CCDC171: variants seen among roughly 807,000 people sequenced by gnomAD.
CCDC171 encodes the protein coiled-coil domain containing 171.
Under a neutral mutation model 168.2 loss-of-function variants are expected in CCDC171, and 177 were observed. The observed-to-expected ratio is 1.05, with a 90% confidence interval of 0.93 to 1.19. The LOEUF (loss-of-function observed/expected upper bound fraction) is 1.19. Ranked by LOEUF, CCDC171 falls within the 50% of genes most tolerant of loss-of-function variation. CCDC171 has a pLI of 0.00. For missense variants in CCDC171, 1,991 were observed against 1,539.0 expected (o/e 1.29, Z -4.91); for synonymous variants, 687 against 540.8 (o/e 1.27, Z -3.75).
intron 21 of CCDC171, among the ~76,000 whole-genome samples, chr9:15,837,937 C>T (rs968717743): frequency 6.6e-6 from 1 of 152,058 alleles, no homozygotes; most frequent in Non-Finnish European, 1.5e-5. Context: ...ACTTAATAAC[C>T]GAAAACATTT....
At chr9:15,569,936 C>T (rs918370250) in intron 2 of CCDC171, among the ~76,000 whole-genome samples, 2 of 150,188 alleles carry the variant, frequency 1.3e-5, no homozygotes, top group East Asian at 1.9e-4. Context: ...TTTAGTTTTT[C>T]GTTTTCTTAG....
chr9:15,645,740 G>A (rs1236533128), intron 7 of CCDC171, among the ~76,000 whole-genome samples: 1 of 152,174 alleles, frequency 6.6e-6, no homozygotes, highest in East Asian at 1.9e-4. Flanking sequence ...AGAAATATGG[G>A]ACTATGTGAA....
At chr9:16,011,555 C>T (rs1416746471) in intron 3 of CCDC171, among the ~76,000 whole-genome samples, 1 of 152,108 alleles carries the variant, frequency 6.6e-6, no homozygotes, top group Non-Finnish European at 1.5e-5. Flanking sequence ...TATGCAGCTT[C>T]TTTAACAATG....
intron 24 of CCDC171, among the ~76,000 whole-genome samples, chr9:15,897,534 T>C (rs1821072401): frequency 6.6e-6 from 1 of 152,060 alleles, no homozygotes; most frequent in African/African-American, 2.4e-5. Flanking sequence ...CATTTGAAGT[T>C]CTTTTATTTG....
chr9:16,011,958 C>T (rs1009562119), intron 3 of CCDC171, among the ~76,000 whole-genome samples: 5 of 152,072 alleles, frequency 3.3e-5, no homozygotes, highest in Non-Finnish European at 2.9e-5. Flanking sequence ...GAGTCTTGTC[C>T]CCAGTGGGCC....
intron 21 of CCDC171, among the ~76,000 whole-genome samples, chr9:15,811,223 A>C (rs1346351679): frequency 6.6e-6 from 1 of 152,208 alleles, no homozygotes; most frequent in Non-Finnish European, 1.5e-5. Context: ...GCTGATATTG[A>C]GCTAATGGAA....
intron 1 of CCDC171, among the ~76,000 whole-genome samples, chr9:16,044,112 C>A (rs546965062): frequency 3.3e-5 from 5 of 152,206 alleles, no homozygotes; most frequent in African/African-American, 1.2e-4. Context: ...GGCTGTCCCC[C>A]TTCTATTCAG....
At chr9:15,935,316 A>G (rs577289693) in intron 25 of CCDC171, among the ~76,000 whole-genome samples, 2 of 152,056 alleles carry the variant, frequency 1.3e-5, no homozygotes, top group South Asian at 2.1e-4. Flanking sequence ...AGCAAACTTT[A>G]CTATTGACTC....
At chr9:15,791,509 G>C (rs1024384911) in intron 21 of CCDC171, among the ~76,000 whole-genome samples, 2 of 152,178 alleles carry the variant, frequency 1.3e-5, no homozygotes, top group Non-Finnish European at 2.9e-5. Flanking sequence ...AGGTGATGTG[G>C]TTTTCTAGAT....
chr9:15,794,352 C>G (rs2058438588), intron 21 of CCDC171, among the ~76,000 whole-genome samples: 1 of 152,038 alleles, frequency 6.6e-6, no homozygotes, highest in Non-Finnish European at 1.5e-5. Flanking sequence ...GCAATCCCAG[C>G]TAGTCGGGAG....
chr9:15,985,872 A>G (rs1196779475), intron 3 of CCDC171, among the ~76,000 whole-genome samples: 1 of 152,244 alleles, frequency 6.6e-6, no homozygotes, highest in Non-Finnish European at 1.5e-5. Flanking sequence ...AGAAGTGGTC[A>G]GACCATTTGA....
chr9:15,677,334 C>G (rs2049655344), intron 9 of CCDC171, among the ~76,000 whole-genome samples: 1 of 152,032 alleles, frequency 6.6e-6, no homozygotes, highest in Admixed American at 6.6e-5. Context: ...TTGGAATATT[C>G]CTAATCTAAA....
intron 24 of CCDC171, among the ~76,000 whole-genome samples, chr9:15,902,433 C>G (rs1417698211): frequency 6.6e-6 from 1 of 152,016 alleles, no homozygotes; most frequent in African/African-American, 2.4e-5. Context: ...ATTTTCTAGG[C>G]AAAATTTAAA....
chr9:15,685,636 A>G (rs909103570), intron 10 of CCDC171, among the ~76,000 whole-genome samples: 1 of 151,942 alleles, frequency 6.6e-6, no homozygotes, highest in Non-Finnish European at 1.5e-5. Context: ...CCCTGTCTCA[A>G]AAAAAAAGAT....
At chr9:15,659,806 G>C (rs2048187067) in intron 8 of CCDC171, among the ~76,000 whole-genome samples, 1 of 151,892 alleles carries the variant, frequency 6.6e-6, no homozygotes, top group Non-Finnish European at 1.5e-5. Context: ...AACTAGTTTA[G>C]ACTAAAAAAG....
chr9:15,584,976 T>A (rs2041439494), intron 4 of CCDC171, among the ~76,000 whole-genome samples: 1 of 152,194 alleles, frequency 6.6e-6, no homozygotes, highest in South Asian at 2.1e-4. Flanking sequence ...GAGAGATGAC[T>A]ATTAATCAGA....
In CCDC171 at chr9:15,591,508, A is replaced by G. The variant is rs763777871; in HGVS notation, c.495A>G (p.Glu165=). ...RDNMIQNCNR[E]YDLLMKEKSR... Reference sequence around the variant, plus strand: ...ATATGATCCAAAATTGCAATCGAGAATATGATTTACTTATGAAAGAAAAAA... The same window carrying G: ...ATATGATCCAAAATTGCAATCGAGAGTATGATTTACTTATGAAAGAAAAAA... Residue 165 remains glutamate (E), a synonymous_variant, in exon 5 of 26, where the codon GAA becomes GAG. Coordinates refer to ENST00000380701, the MANE Select transcript of CCDC171 (RefSeq NM_173550.4). 13 of 1,601,588 alleles carry G rather than the reference A, an allele frequency of 8.1e-6. No individual in the cohort carries two copies. The highest frequency in any genetic ancestry group is 2.2e-5 in the East Asian group (1 of 44,640).
chr9:15,554,387 A>G (rs1310298192), intron 1 of CCDC171, among the ~76,000 whole-genome samples: 1 of 152,190 alleles, frequency 6.6e-6, no homozygotes, highest in Non-Finnish European at 1.5e-5. Flanking sequence ...GAAGATGAAC[A>G]TGGTTTTTCA....
intron 6 of CCDC171, among the ~76,000 whole-genome samples, chr9:15,609,595 G>T (rs139999826): frequency 1.3e-5 from 2 of 152,020 alleles, no homozygotes; most frequent in African/African-American, 4.8e-5. Flanking sequence ...TTCTTTTACC[G>T]CATATTGATT....
Sources: allele counts gnomAD v4.1 joint callset (sites outside exome capture counted in the v4.1 genomes callset), GRCh38; gene constraint gnomAD v4.1.1; transcripts MANE v1.5; gene names NCBI Gene and HGNC (gene_info 2026-07-23, HGNC 2026-07-21).